The following PPP1R1C variants were observed in gnomAD, a reference collection of about 807,000 sequenced individuals.
PPP1R1C encodes protein phosphatase 1 regulatory subunit 1C.
A neutral mutation model predicts 17.4 loss-of-function variants in PPP1R1C; 15 were observed. That is an observed-to-expected ratio of 0.86 (90% CI 0.58 to 1.33). The LOEUF is 1.33. Ranked by LOEUF, PPP1R1C falls within the 40% of genes most tolerant of loss-of-function variation. The probability of loss-of-function intolerance (pLI) is 0.00; values close to 1 mark genes in which losing one functional copy is unlikely to be tolerated. For synonymous variants in PPP1R1C, 35 were observed against 43.1 expected (o/e 0.81, Z 0.73); for missense variants, 143 against 130.0 (o/e 1.10, Z -0.48).
chr2:182,048,277 C>A (rs1005601695), intron 2 of PPP1R1C, among the ~76,000 whole-genome samples: 1 of 152,122 alleles, frequency 6.6e-6, no homozygotes, highest in Non-Finnish European at 1.5e-5. Flanking sequence ...AAAAACACAA[C>A]TGAAACCACT....
chr2:182,080,084 G>C (rs1172579841), intron 4 of PPP1R1C, among the ~76,000 whole-genome samples: 1 of 152,186 alleles, frequency 6.6e-6, no homozygotes, highest in Non-Finnish European at 1.5e-5. Flanking sequence ...CTGGTTTTGA[G>C]GATTAAATAG....
intron 1 of PPP1R1C, among the ~76,000 whole-genome samples, chr2:181,956,268 TG>T (rs1329457538): frequency 6.6e-6 from 1 of 152,226 alleles, no homozygotes; most frequent in East Asian, 1.9e-4. Context: ...ATGGTGTATA[TG>T]TGCCACATTT....
At chr2:182,084,370 G>T (rs1688567638) in intron 4 of PPP1R1C, among the ~76,000 whole-genome samples, 1 of 151,884 alleles carries the variant, frequency 6.6e-6, no homozygotes, top group Non-Finnish European at 1.5e-5. Flanking sequence ...GTTTTTCCTA[G>T]GTTTTATTTT....
At position 181,962,078 on chromosome 2, in the gene PPP1R1C, T is replaced by C. The variant is rs1248621268; in HGVS notation, n.111+7444T>C. Reference sequence around the variant, plus strand: ...TGCGAAGATCTGAACCCTCAGGTCCTCGATGGTCTTGAGGTAATGACTCCA... The same window carrying C: ...TGCGAAGATCTGAACCCTCAGGTCCCCGATGGTCTTGAGGTAATGACTCCA... On this transcript the variant is annotated intron_variant and non_coding_transcript_variant, in intron 1 of 5. Coordinates refer to the PPP1R1C transcript ENST00000464264. This position sits in a 1 kb window ranked among gnomAD's most constrained non-coding sequence, Gnocchi z 6.0. 5.5e-6 allele frequency: 4 copies of C among 721,610 alleles called. No homozygotes were observed. In the African/African-American group the frequency reaches 6.9e-5, roughly 13 times the overall value. The allele number at this position is 721,610 out of a possible 1,614,324, so 44.7% of individuals were successfully genotyped here.
chr2:182,085,377 A>G (rs1230413909), intron 4 of PPP1R1C, among the ~76,000 whole-genome samples: 1 of 152,074 alleles, frequency 6.6e-6, no homozygotes, highest in African/African-American at 2.4e-5. Flanking sequence ...CACACACACT[A>G]GTCTCTAAAA....
chr2:181,981,900 A>AT (rs1409994945), upstream of PPP1R1C, among the ~76,000 whole-genome samples: 2 of 152,080 alleles, frequency 1.3e-5, no homozygotes, highest in Non-Finnish European at 2.9e-5. Flanking sequence ...ATGATATTGT[A>AT]TTTTTTCTGC....
At chr2:182,109,461 A>G (rs1689352800) in intron 4 of PPP1R1C, among the ~76,000 whole-genome samples, 1 of 152,192 alleles carries the variant, frequency 6.6e-6, no homozygotes, top group Non-Finnish European at 1.5e-5. Flanking sequence ...ATTTTCTAGG[A>G]GTATCATAAA....
Position 182,060,300 on chromosome 2 carries a change from A to G in PPP1R1C, c.143-1142A>G, listed in dbSNP as rs1016358972. ...GCCAGTTTGTTCTCTTACTATATGA[A>G]ATATCAACTTCAGGCATGGTTGGAT... On this transcript the variant is annotated intron_variant, in intron 2 of 4. Transcript: ENST00000682840. Among the ~76,000 whole-genome samples, 8 of 152,244 alleles carry G rather than the reference A, an allele frequency of 5.3e-5. No individual in the cohort carries two copies. In the South Asian group the frequency reaches 8.3e-4, roughly 16 times the overall value.
intron 5 of PPP1R1C, chr2:182,128,967 C>T (rs1407977772): frequency 1.3e-5 from 2 of 152,148 alleles, no homozygotes; most frequent in Admixed American, 6.6e-5. Flanking sequence ...TTCTTTTTCT[C>T]CTCCAGGTGC....
chr2:182,072,109 A>G (rs1186574077), intron 4 of PPP1R1C, among the ~76,000 whole-genome samples: 1 of 152,174 alleles, frequency 6.6e-6, no homozygotes, highest in Non-Finnish European at 1.5e-5. Flanking sequence ...CACGTCCATT[A>G]ATGTAGGCGC....
intron 2 of PPP1R1C, among the ~76,000 whole-genome samples, chr2:182,006,632 T>C (rs1484186679): frequency 9.9e-5 from 15 of 152,226 alleles, no homozygotes; most frequent in Non-Finnish European, 4.4e-5. Context: ...TTTTAACAAC[T>C]GTCTTAAGTT....
intron 4 of PPP1R1C, among the ~76,000 whole-genome samples, chr2:182,108,261 C>A (rs1689314148): frequency 6.6e-6 from 1 of 152,134 alleles, no homozygotes; most frequent in African/African-American, 2.4e-5. Context: ...GTTCCTATAG[C>A]TAATACAGTA....
chr2:182,034,076 G>A (rs1421793448), intron 2 of PPP1R1C, among the ~76,000 whole-genome samples: 2 of 152,060 alleles, frequency 1.3e-5, no homozygotes, highest in South Asian at 2.1e-4. Flanking sequence ...TTGACCCCAT[G>A]AGCACACCAT....
chr2:182,002,046 G>A (rs1184208187), intron 2 of PPP1R1C, among the ~76,000 whole-genome samples: 3 of 152,068 alleles, frequency 2.0e-5, no homozygotes, highest in East Asian at 1.9e-4. Context: ...TTATTAACAT[G>A]CGTATCATTG....
At chr2:182,128,747 C>T (rs1014418316) in intron 5 of PPP1R1C, among the ~76,000 whole-genome samples, 1 of 152,058 alleles carries the variant, frequency 6.6e-6, no homozygotes, top group Non-Finnish European at 1.5e-5. Flanking sequence ...TAGTGACGAT[C>T]AGTTTTTTTG....
chr2:181,996,810 C>G (rs938308628), intron 2 of PPP1R1C, among the ~76,000 whole-genome samples: 2 of 152,164 alleles, frequency 1.3e-5, no homozygotes, highest in African/African-American at 4.8e-5. Flanking sequence ...GAAAATAGAA[C>G]TGGATGCACA....
At chr2:182,057,336 T>C (rs1049354078) in intron 2 of PPP1R1C, among the ~76,000 whole-genome samples, 8 of 152,252 alleles carry the variant, frequency 5.3e-5, no homozygotes, top group Non-Finnish European at 8.8e-5. Context: ...GGGGAAGAGA[T>C]GAGTTCCAAT....
intron 4 of PPP1R1C, among the ~76,000 whole-genome samples, chr2:182,086,376 A>T (rs1308983007): frequency 1.3e-5 from 2 of 152,148 alleles, no homozygotes; most frequent in Non-Finnish European, 2.9e-5. Flanking sequence ...ATTTTTCTTT[A>T]AAAGGATCAT....
intron 5 of PPP1R1C, among the ~76,000 whole-genome samples, chr2:182,126,353 T>C (rs1171809219): frequency 6.6e-6 from 1 of 152,058 alleles, no homozygotes; most frequent in Non-Finnish European, 1.5e-5. Context: ...TCTAACTCAG[T>C]GATTCCAAAA....
Sources: gnomAD v4.1 joint callset for allele counts (sites outside exome capture counted in the v4.1 genomes callset) on GRCh38, gnomAD v4.1.1 for gene constraint, Gnocchi (gnomAD v3.1) non-coding constraint, MANE v1.5 for transcripts, NCBI Gene and HGNC (gene_info 2026-07-23, HGNC 2026-07-21) for gene names.